SZT2: variants seen among roughly 807,000 people sequenced by gnomAD.
The protein encoded by SZT2 is SZT2 subunit of KICSTOR complex.
SZT2 carries 216 observed loss-of-function variants against 404.2 expected under a neutral mutation model. The ratio of observed to expected loss-of-function variants is 0.53; its 90% CI spans 0.48 to 0.60. The LOEUF is 0.60. Among genes scored for constraint, SZT2 ranks in the 20% least tolerant of loss-of-function variants. SZT2 has a pLI of 0.00. For synonymous variants in SZT2, 1,693 were observed against 1,749.9 expected, an observed-to-expected ratio of 0.97 and a Z score of 0.81; for missense variants, 3,857 against 4,459.2, an observed-to-expected ratio of 0.86 and a Z score of 3.85.
Position 43,453,372 on chromosome 1 carries a change from G to C in SZT2, c.*2892G>C. The stretch of plus-strand genomic sequence containing the variant: ...CATGGGTCACAGGGGTGGGGGTGGG[G>C]TGGAGCGGGGTACCTGGGACAGCCC... On this transcript the variant is annotated 3_prime_UTR_variant, in exon 72 of 72. Coordinates refer to ENST00000634258, the MANE Select transcript of SZT2 (RefSeq NM_001365999.1). 6.6e-6 allele frequency: 10 copies of C among 1,512,606 alleles called. No homozygotes were observed. The highest frequency in any genetic ancestry group is 9.0e-6 in the Non-Finnish European group (10 of 1,114,908). 93.7% of individuals were successfully genotyped at this position (1,512,606 alleles called of 1,614,324 possible).
Position 43,452,318 on chromosome 1 carries a change from T to C in SZT2, c.*1838T>C. Reference sequence around the variant, plus strand: ...GGTACTCGGCCAGCCATCAGGTGGATCCTGTGGGGAAGATGGACTGGAGGC... The same window carrying C: ...GGTACTCGGCCAGCCATCAGGTGGACCCTGTGGGGAAGATGGACTGGAGGC... On this transcript the variant is annotated 3_prime_UTR_variant, in exon 72 of 72. Transcript: ENST00000634258. 7 of 1,612,850 alleles carry C rather than the reference T, an allele frequency of 4.3e-6. No homozygotes were observed. The highest frequency in any genetic ancestry group is 5.9e-6 in the Non-Finnish European group (7 of 1,179,160).
At chr1:43,419,295 A>G (rs1248363043) in intron 7 of SZT2, among the ~76,000 whole-genome samples, 1 of 152,266 alleles carries the variant, frequency 6.6e-6, no homozygotes, top group African/African-American at 2.4e-5. Flanking sequence ...TTCAAAATGT[A>G]GTCCACAGAC....
chr1:43,415,274 G>A, intron 5 of SZT2, 61 bp downstream of exon 5: 3 of 1,581,488 alleles, frequency 1.9e-6, no homozygotes, highest in Non-Finnish European at 2.6e-6. Context: ...AGGACAGAGG[G>A]CAGAGAGGAG....
At chr1:43,429,629 C>A (rs41302042) in intron 28 of SZT2, 74 bp from the exon 29 acceptor site, 66 of 1,591,954 alleles carry the variant, frequency 4.1e-5, no homozygotes, top group Non-Finnish European at 6.0e-6. Flanking sequence ...CTGTGCTGCT[C>A]CCCAGTTGAG....
chr1:43,442,145 C>T lies in SZT2; in HGVS notation c.7873+15C>T, dbSNP rs375776885. 86 of 1,042,858 alleles carry T rather than the reference C, an allele frequency of 8.2e-5. No homozygotes were observed. The highest frequency in any genetic ancestry group is 1.4e-4 in the East Asian group (5 of 36,742). 64.6% of individuals were successfully genotyped at this position (1,042,858 alleles called of 1,614,324 possible). ...AACACAGCAGGGTGAGGGCATGGCC[C>T]GGGGGGGCGGGGGGCGGGTAGGCTA... On this transcript the variant is annotated intron_variant, in intron 56 of 71. Coordinates refer to ENST00000634258, the MANE Select transcript of SZT2 (RefSeq NM_001365999.1). This position sits in a 1 kb window ranked among gnomAD's most constrained non-coding sequence, Gnocchi z 4.5.
At chr1:43,432,025 T>A in intron 36 of SZT2, 124 bp downstream of exon 36, 1 of 1,272,884 alleles carries the variant, frequency 7.9e-7, no homozygotes, top group African/African-American at 1.5e-5. Context: ...GTCTCCCTGC[T>A]CACCACATCA....
At chr1:43,418,074 C>T (rs1266951535) in intron 7 of SZT2, among the ~76,000 whole-genome samples, 2 of 152,052 alleles carry the variant, frequency 1.3e-5, no homozygotes, top group African/African-American at 4.8e-5. Context: ...ATTAGGAGGT[C>T]ACGGGGATCT....
Position 43,425,934 on chromosome 1 carries a change from C to T in SZT2, c.2914C>T (p.Pro972Ser), listed in dbSNP as rs1223267159. 1 of 1,614,072 alleles carries T rather than the reference C, an allele frequency of 6.2e-7. No individual in the cohort carries two copies. The highest frequency in any genetic ancestry group is 8.5e-7 in the Non-Finnish European group (1 of 1,179,960). The change falls in exon 20 of 72, where the codon CCG (proline) becomes TCG (serine). Residue 972 changes from proline (P) to serine (S), a missense_variant. Pro to Ser is a moderately conservative substitution (Grantham distance 74, BLOSUM62 -1). Around this residue, in one of 7 missense-constraint regions of SZT2, gnomAD observed 1,725 missense variants for 1,881.0 expected, o/e 0.92. Coordinates refer to ENST00000634258, the MANE Select transcript of SZT2 (RefSeq NM_001365999.1). The surrounding 1 kb of genome is among the most constrained non-coding windows in gnomAD (Gnocchi z 4.3). ...SKEWGPLPPE[P>S]RVSDGLDQGG... ...GGAATGGGGTCCTCTGCCCCCAGAG[C>T]CGAGGGTCTCTGATGGTGAGTGGGG...
intron 11 of SZT2, 128 bp from the exon 12 acceptor site, chr1:43,421,955 C>T: frequency 1.9e-6 from 2 of 1,037,102 alleles, no homozygotes; most frequent in Non-Finnish European, 2.7e-6. Context: ...TCAGGCTGGG[C>T]TGTAGCCTCA....
rs753920534 is a variant in SZT2 at position 43,451,232 on chromosome 1, G to A, written c.*752G>A. 1.5e-5 allele frequency: 24 copies of A among 1,613,734 alleles called. No individual in the cohort carries two copies. Among genetic ancestry groups the A allele is most frequent in the South Asian group, 1.3e-4 (12 of 91,082 alleles). ...GTCTGGAGGCACGTGGGTGGTGTGCGGGCCCTCACTGGCCAGCCTCTGGGT... is the reference window on the plus strand; with the variant it reads ...GTCTGGAGGCACGTGGGTGGTGTGCAGGCCCTCACTGGCCAGCCTCTGGGT... On this transcript the variant is annotated 3_prime_UTR_variant, in exon 72 of 72. Transcript: ENST00000634258.
chr1:43,453,858 C>T lies in SZT2; in HGVS notation c.*3378C>T. 3.2e-6 allele frequency: 3 copies of T among 932,818 alleles called. No individual in the cohort carries two copies. The highest frequency in any genetic ancestry group is 4.1e-6 in the Non-Finnish European group (3 of 727,478). The allele number at this position is 932,818 out of a possible 1,614,324, so 57.8% of individuals were successfully genotyped here. ...AAGGCGGCGGGCGGCGGGCGGCGGG[C>T]GGCGGGCGGGGGCGGGGCTCTCCTT... On this transcript the variant is annotated 3_prime_UTR_variant, in exon 72 of 72. Coordinates refer to ENST00000634258, the MANE Select transcript of SZT2 (RefSeq NM_001365999.1).
Position 43,420,764 on chromosome 1 carries a change from A to C in SZT2, c.1277A>C (p.Glu426Ala). ...TCTCCCTAAGGAGGGTCCCAATTGG[A>C]GGTAAAGCTGGTGCTGCTGTGGAAA... is the stretch of plus-strand genomic sequence containing the variant. ...VTLAKGGSQL[E>A]VKLVLLWKHN... The change falls in exon 10 of 72, where the codon GAG (glutamate) becomes GCG (alanine). Residue 426 changes from glutamate to alanine, a missense_variant. Around this residue, in one of 7 missense-constraint regions of SZT2, gnomAD observed 536 missense variants for 637.4 expected, o/e 0.84. Coordinates refer to ENST00000634258, the MANE Select transcript of SZT2 (RefSeq NM_001365999.1). This position sits in a 1 kb window ranked among gnomAD's most constrained non-coding sequence, Gnocchi z 5.1. The C allele has an allele frequency of 6.3e-7, 1 of 1,598,266 alleles. No homozygotes were observed. The highest frequency in any genetic ancestry group is 8.5e-7 in the Non-Finnish European group (1 of 1,179,786).
At position 43,448,120 on chromosome 1, in the gene SZT2, T is replaced by A; in HGVS notation, c.9605T>A (p.Phe3202Tyr). ...FVVLTSQREL[F>Y]PRLTADMRRF... is the part of the protein sequence containing the mutation. ...GTGCTCACCAGCCAGCGAGAGCTCTTCCCCAGGCTCACTGCTGACATGCGC... is the reference window on the plus strand; with the variant it reads ...GTGCTCACCAGCCAGCGAGAGCTCTACCCCAGGCTCACTGCTGACATGCGC... Residue 3202 changes from phenylalanine (F) to tyrosine (Y), a missense_variant, in exon 69 of 72, where the codon TTC (phenylalanine) becomes TAC (tyrosine). Physicochemically the swap from Phe to Tyr is conservative, Grantham distance 22. Around this residue, in one of 7 missense-constraint regions of SZT2, gnomAD observed 717 missense variants for 868.2 expected, o/e 0.83. Coordinates refer to ENST00000634258, the MANE Select transcript of SZT2 (RefSeq NM_001365999.1). The surrounding 1 kb of genome is among the most constrained non-coding windows in gnomAD (Gnocchi z 4.2). 1 of 1,603,068 alleles carries A rather than the reference T, an allele frequency of 6.2e-7. No homozygotes were observed. Among genetic ancestry groups the A allele is most frequent in the African/African-American group, 1.3e-5 (1 of 74,754 alleles).
In SZT2 at chr1:43,422,559, C is replaced by T. The variant is rs1441555753; in HGVS notation, c.1849C>T (p.Leu617=). The T allele has an allele frequency of 2.5e-6, 4 of 1,598,132 alleles. No homozygotes were observed. The highest frequency in any genetic ancestry group is 3.4e-6 in the Non-Finnish European group (4 of 1,179,744). ...CCAGTGCAGGATCTCCCACTCCTCCCTGACCTCTCTGCTGCGGGACTGGAG... is the reference window on the plus strand; with the variant it reads ...CCAGTGCAGGATCTCCCACTCCTCCTTGACCTCTCTGCTGCGGGACTGGAG... ...TIQCRISHSS[L]TSLLRDWSSF... Residue 617 remains leucine (L), a synonymous_variant, in exon 13 of 72, where the codon CTG becomes TTG. Transcript: ENST00000634258.
At chr1:43,440,192 G>A (rs1039893477) in intron 51 of SZT2, 144 bp downstream of exon 51, 16 of 1,277,032 alleles carry the variant, frequency 1.3e-5, no homozygotes, top group East Asian at 4.9e-5. Flanking sequence ...ACAGTTGTCC[G>A]TGAGCTTGTC....
chr1:43,407,566 G>A (rs1409855832), intron 4 of SZT2, among the ~76,000 whole-genome samples: 1 of 151,892 alleles, frequency 6.6e-6, no homozygotes, highest in Non-Finnish European at 1.5e-5. Context: ...AGCAGTGCGT[G>A]CCTGTAATCC....
In SZT2 at chr1:43,452,323, TG is replaced by T. The variant is rs765718623; in HGVS notation, c.*1847del. 10 of 1,610,220 alleles carry T rather than the reference TG, an allele frequency of 6.2e-6. No individual in the cohort carries two copies. The African/African-American group carries it at 1.2e-4, about 19-fold the overall frequency. ...TCGGCCAGCCATCAGGTGGATCCTG[TG>T]GGGAAGATGGACTGGAGGCCTTGCC... On this transcript the variant is annotated 3_prime_UTR_variant, in exon 72 of 72. Coordinates refer to ENST00000634258, the MANE Select transcript of SZT2 (RefSeq NM_001365999.1).
chr1:43,424,243 G>A lies in SZT2; in HGVS notation c.2282G>A (p.Arg761Gln), dbSNP rs759765444. The change falls in exon 16 of 72, where the codon CGG (arginine) becomes CAG (glutamine). Residue 761 changes from arginine to glutamine, a missense_variant. Physicochemically the swap from Arg to Gln is conservative, Grantham distance 43. Around this residue, in one of 7 missense-constraint regions of SZT2, gnomAD observed 1,725 missense variants for 1,881.0 expected, o/e 0.92. Coordinates refer to ENST00000634258, the MANE Select transcript of SZT2 (RefSeq NM_001365999.1). The surrounding 1 kb of genome is among the most constrained non-coding windows in gnomAD (Gnocchi z 4.1). Reference sequence around the variant, plus strand: ...TATGAGAAGCTGCCCTTGGACTACCGGGCACCCTTCTTGCTGACATTGGAG... The same window carrying A: ...TATGAGAAGCTGCCCTTGGACTACCAGGCACCCTTCTTGCTGACATTGGAG... ...IRYEKLPLDYRAPFLLTLEPP... is the reference protein window; with the variant it reads ...IRYEKLPLDYQAPFLLTLEPP... 4 of 1,597,744 alleles carry A rather than the reference G, an allele frequency of 2.5e-6. No homozygotes were observed. Among genetic ancestry groups the A allele is most frequent in the East Asian group, 2.2e-5 (1 of 44,862 alleles).
rs1300093130 is a variant in SZT2 at position 43,440,032 on chromosome 1, A to G, written c.7194A>G (p.Thr2398=). 1.2e-6 allele frequency: 2 copies of G among 1,614,022 alleles called. No homozygotes were observed. Among genetic ancestry groups the G allele is most frequent in the Admixed American group, 1.7e-5 (1 of 60,012 alleles). The change falls in exon 51 of 72, where the codon ACA becomes ACG. Residue 2398 remains threonine, a synonymous_variant. Transcript: ENST00000634258. ...AGCTGCTGCCAGCTTCACTATGTACAGAGGACACACCCACAGGTATGCAAG... is the reference window on the plus strand; with the variant it reads ...AGCTGCTGCCAGCTTCACTATGTACGGAGGACACACCCACAGGTATGCAAG... ...ELQLLPASLC[T]EDTPTGSLRN...
Sources: allele counts gnomAD v4.1 joint callset (sites outside exome capture counted in the v4.1 genomes callset), GRCh38; gene constraint gnomAD v4.1.1; regional missense constraint gnomAD v4.1.1; non-coding constraint Gnocchi (gnomAD v3.1); transcripts MANE v1.5; gene names NCBI Gene and HGNC (gene_info 2026-07-23, HGNC 2026-07-21).